The following SVOPL variants were observed in gnomAD, a reference collection of about 807,000 sequenced individuals.
SVOPL encodes putative transporter SVOPL.
In SVOPL, 60 loss-of-function variants were observed where a neutral mutation model predicts 61.0. The observed-to-expected ratio is 0.98, with a 90% CI of 0.80 to 1.22. The LOEUF (loss-of-function observed/expected upper bound fraction) is 1.22. Among genes scored for constraint, SVOPL ranks in the 50% most tolerant of loss-of-function variants. The pLI is 0.00. For synonymous variants in SVOPL, 279 were observed against 250.0 expected (o/e 1.12, Z -1.09); for missense variants, 662 against 643.9 (o/e 1.03, Z -0.30).
At chr7:138,698,175 G>GAAAA (rs373826876) in intron 1 of SVOPL, among the ~76,000 whole-genome samples, 12 of 149,678 alleles carry the variant, frequency 8.0e-5, no homozygotes, top group African/African-American at 2.5e-4. Flanking sequence ...AGAAGGAGGG[G>GAAAA]GAAGGAAGAA....
At chr7:138,681,026 A>C (rs1461719306) in intron 1 of SVOPL, among the ~76,000 whole-genome samples, 2 of 151,948 alleles carry the variant, frequency 1.3e-5, no homozygotes, top group Non-Finnish European at 2.9e-5. Context: ...ATTTAGGATA[A>C]GGAAAGTAAT....
chr7:138,648,690 G>GCTGCACTCCAGCGCCA (rs1343452284), intron 8 of SVOPL, among the ~76,000 whole-genome samples: 1 of 151,082 alleles, frequency 6.6e-6, no homozygotes, highest in African/African-American at 2.4e-5. Flanking sequence ...CCTGGGGGAC[G>GCTGCACTCCAGCGCCA]CTGCACTCCA....
intron 7 of SVOPL, among the ~76,000 whole-genome samples, chr7:138,653,725 G>C (rs1432935965): frequency 2.0e-5 from 3 of 152,088 alleles, no homozygotes; most frequent in Non-Finnish European, 2.9e-5. Context: ...CACAAGGTCA[G>C]GAGTTCAAGA....
intron 14 of SVOPL, among the ~76,000 whole-genome samples, chr7:138,610,275 T>TA (rs1215967509): frequency 2.6e-5 from 4 of 151,002 alleles, no homozygotes; most frequent in Admixed American, 6.6e-5. Flanking sequence ...TGTCCATACA[T>TA]AAAAAAAGAA....
chr7:138,631,916 G>A (rs1800211347), intron 9 of SVOPL, among the ~76,000 whole-genome samples: 1 of 149,180 alleles, frequency 6.7e-6, no homozygotes, highest in South Asian at 2.1e-4. Context: ...TTATCCCCCT[G>A]AAGTGGCTCA....
At chr7:138,688,043 C>T (rs754043094) in intron 1 of SVOPL, among the ~76,000 whole-genome samples, 14 of 152,078 alleles carry the variant, frequency 9.2e-5, no homozygotes, top group Non-Finnish European at 1.3e-4. Flanking sequence ...CCTCGTGATC[C>T]ACCCGCCTCG....
In SVOPL at chr7:138,659,918, CA is replaced by C; in HGVS notation, c.415del (p.Trp139GlyfsTer20). The part of the protein sequence containing the change: ...LLTSFAPSYI[W>X]FVFLRTMVGC... ...CACCATCGTCCGCAGGAAGACAAAC[CA>C]GATGTACGAAGGAGCAAACGAGGTC... On this transcript the variant is annotated frameshift_variant, in exon 6 of 16. Transcript: ENST00000674285. LOFTEE classifies it high-confidence loss of function. The C allele has an allele frequency of 6.4e-7, 1 of 1,551,530 alleles. No individual in the cohort carries two copies. Among genetic ancestry groups the C allele is most frequent in the Non-Finnish European group, 8.7e-7 (1 of 1,146,976 alleles).
rs1554464904 is a variant in SVOPL, at chr7:138,641,814, T to TTACATATATATA, written c.789+2902_789+2903insTATATATATGTA. Among the ~76,000 whole-genome samples, 3 of 120,978 alleles carry TTACATATATATA rather than the reference T, an allele frequency of 2.5e-5. No individual in the cohort carries two copies. The East Asian group carries it at 8.2e-4, about 33-fold the overall frequency. The allele number at this position is 120,978 out of a possible 152,430, so 79.4% of individuals were successfully genotyped here. On this transcript the variant is annotated intron_variant, in intron 9 of 15. Coordinates refer to ENST00000674285, the MANE Select transcript of SVOPL (RefSeq NM_001139456.2). ...TCTAGACGTATCAAATATATATATG[T>TTACATATATATA]TATATATATATATATATATAACATA...
At chr7:138,673,351 A>T in intron 3 of SVOPL, among the ~76,000 whole-genome samples, 1 of 152,180 alleles carries the variant, frequency 6.6e-6, no homozygotes, top group Non-Finnish European at 1.5e-5. Flanking sequence ...TATCAGAAGT[A>T]AGAGAGCATA....
intron 3 of SVOPL, among the ~76,000 whole-genome samples, chr7:138,676,903 T>A (rs938338077): frequency 9.8e-4 from 128 of 130,240 alleles, no homozygotes; most frequent in African/African-American, 3.6e-3. Context: ...GGGTTCCTTT[T>A]TTTTTTTTTT....
In SVOPL at chr7:138,644,714, C is replaced by A; in HGVS notation, c.789+3G>T. 1 of 1,613,936 alleles carries A rather than the reference C, an allele frequency of 6.2e-7. No homozygotes were observed. The highest frequency in any genetic ancestry group is 8.5e-7 in the Non-Finnish European group (1 of 1,179,946). On this transcript the variant is annotated splice_donor_region_variant and intron_variant, in intron 9 of 15. Transcript: ENST00000674285. ...GGAGAAGACCTCGGGGGCCAGCACT[C>A]ACCAGGACGGGCTCCACCAGCTTCC...
At chr7:138,629,965 A>T in intron 10 of SVOPL, 84 bp downstream of exon 10, 1 of 1,067,260 alleles carries the variant, frequency 9.4e-7, no homozygotes, top group South Asian at 1.3e-5. Flanking sequence ...TTTTCTCCCC[A>T]GTGGCACTCA....
chr7:138,632,100 A>G (rs1233027683), intron 9 of SVOPL, among the ~76,000 whole-genome samples: 1 of 152,172 alleles, frequency 6.6e-6, no homozygotes, highest in African/African-American at 2.4e-5. Context: ...GAATGAAGGC[A>G]GGGTCTACTG....
rs189877037 is a variant in SVOPL at position 138,694,974 on chromosome 7, G to A, written c.-35+6204C>T. On this transcript the variant is annotated intron_variant, in intron 1 of 15. Transcript: ENST00000674285. The stretch of plus-strand genomic sequence containing the variant: ...GGCTGGTCTCGAACTCCTGACCTCT[G>A]GTGATCCACCCACCTCAGCTTCCTA... 3.1e-3 allele frequency among the ~76,000 whole-genome samples: 474 copies of A among 152,098 alleles called. 5 individuals are homozygous for A. Among genetic ancestry groups the A allele is most frequent in the African/African-American group, 0.011 (443 of 41,506 alleles).
chr7:138,622,222 G>T (rs6966871), intron 13 of SVOPL, among the ~76,000 whole-genome samples: 1 of 67,270 alleles, frequency 1.5e-5, no homozygotes, highest in Non-Finnish European at 3.2e-5. Flanking sequence ...ATCTATCTAT[G>T]TATCTATCTA....
chr7:138,608,720 T>C (rs535184091), intron 14 of SVOPL, among the ~76,000 whole-genome samples: 18 of 151,984 alleles, frequency 1.2e-4, no homozygotes, highest in Middle Eastern at 3.4e-3. Context: ...AAAAAGAAAA[T>C]GCCATAGAAG....
chr7:138,653,572 CA>C (rs569959401), intron 7 of SVOPL, among the ~76,000 whole-genome samples: 47 of 152,016 alleles, frequency 3.1e-4, no homozygotes, highest in Non-Finnish European at 5.7e-4. Context: ...GAGGCTGAGG[CA>C]ACCAGATCAC....
intron 9 of SVOPL, among the ~76,000 whole-genome samples, chr7:138,643,685 G>C (rs984879071): frequency 6.6e-6 from 1 of 150,594 alleles, no homozygotes; most frequent in Non-Finnish European, 1.5e-5. Context: ...ATGATTCTAC[G>C]TGTGAGGGAT....
intron 14 of SVOPL, among the ~76,000 whole-genome samples, chr7:138,607,503 G>C (rs1798810829): frequency 6.6e-6 from 1 of 152,164 alleles, no homozygotes; most frequent in Admixed American, 6.5e-5. Context: ...CGGAGGGAGA[G>C]CACGGCCAGC....
Sources: allele counts gnomAD v4.1 joint callset (sites outside exome capture counted in the v4.1 genomes callset), GRCh38; gene constraint gnomAD v4.1.1; transcripts MANE v1.5; gene names NCBI Gene and HGNC (gene_info 2026-07-23, HGNC 2026-07-21).